The following MKI67 variants were observed in gnomAD, a reference collection of about 807,000 sequenced individuals.
MKI67 encodes marker of proliferation Ki-67.
Under a neutral mutation model 233.5 loss-of-function variants are expected in MKI67, and 152 were observed. That is an observed-to-expected ratio of 0.65 (90% CI 0.57 to 0.74). MKI67 has a LOEUF of 0.74. Among genes scored for constraint, MKI67 ranks in the 30% least tolerant of loss-of-function variants. The pLI, the probability that MKI67 is intolerant of heterozygous loss-of-function variation, is 0.00. For synonymous variants in MKI67, 1,465 were observed against 1,418.5 expected, an observed-to-expected ratio of 1.03 and a Z score of -0.74; for missense variants, 3,940 against 3,885.2, an observed-to-expected ratio of 1.01 and a Z score of -0.37.
At position 128,103,101 on chromosome 10, in the gene MKI67, T is replaced by G. The variant is rs771617373; in HGVS notation, c.8739A>C (p.Gln2913His). 2.5e-6 allele frequency: 4 copies of G among 1,614,122 alleles called. No homozygotes were observed. Among genetic ancestry groups the G allele is most frequent in the Non-Finnish European group, 3.4e-6 (4 of 1,180,048 alleles). The change falls in exon 13 of 15, where the codon CAA (glutamine) becomes CAC (histidine). Residue 2913 changes from glutamine (Q) to histidine (H), a missense_variant. Transcript: ENST00000368654. ...GGAAGCTGGCCAGATCTTCCAGGGG[T>G]TGGGCCTTTTCCTTAGGTGCTCTTG... The part of the protein sequence containing the change: ...RQPRAPKEKA[Q>H]PLEDLASFQE...
At chr10:128,120,369 G>A (rs1485899359) in intron 4 of MKI67, among the ~76,000 whole-genome samples, 3 of 152,070 alleles carry the variant, frequency 2.0e-5, no homozygotes, top group Non-Finnish European at 4.4e-5. Flanking sequence ...GCGCGTGCCT[G>A]TAATCCCAGC....
chr10:128,105,951 T>C lies in MKI67; in HGVS notation c.5889A>G (p.Thr1963=), dbSNP rs766490291. Residue 1963 remains threonine, a synonymous_variant, in exon 13 of 15, where the codon ACA becomes ACG. Coordinates refer to ENST00000368654, the MANE Select transcript of MKI67 (RefSeq NM_002417.5). ...DLAGFKELFQ[T]PGHTEESMTD... is the part of the protein sequence containing the mutation. ...TCATTGATTCCTCAGTGTGACCTGG[T>C]GTCTGGAAGAGCTCTTTGAAGCCAG... 30 of 1,614,100 alleles carry C rather than the reference T, an allele frequency of 1.9e-5. No individual in the cohort carries two copies. Among genetic ancestry groups the C allele is most frequent in the Non-Finnish European group, 2.4e-5 (28 of 1,180,040 alleles).
chr10:128,108,415 C>T lies in MKI67; in HGVS notation c.3425G>A (p.Ser1142Asn), dbSNP rs1485694869. The T allele has an allele frequency of 3.1e-6, 5 of 1,614,122 alleles. No homozygotes were observed. Among genetic ancestry groups the T allele is most frequent in the South Asian group, 1.1e-5 (1 of 91,076 alleles). The change falls in exon 13 of 15, where the codon AGC (serine) becomes AAC (asparagine). Residue 1142 changes from serine to asparagine, a missense_variant. Coordinates refer to ENST00000368654, the MANE Select transcript of MKI67 (RefSeq NM_002417.5). ...ACTTCTCTTAGGCCATTGCTTTGTG[C>T]TTGTTGGAGTGTCCACTGATTCTGG... is the stretch of plus-strand genomic sequence containing the variant. The part of the protein sequence containing the change: ...PPPESVDTPT[S>N]TKQWPKRSLR...
rs1302544782 is a variant in MKI67 at position 128,107,437 on chromosome 10, G to A, written c.4403C>T (p.Ala1468Val). Reference sequence around the variant, plus strand: ...TGTCTGGAAGAGCTCTTTCAAGCCAGCCAGGTCTTCTAGGGGTTGGGCCTT... The same window carrying A: ...TGTCTGGAAGAGCTCTTTCAAGCCAACCAGGTCTTCTAGGGGTTGGGCCTT... ...KEKAQPLEDL[A>V]GLKELFQTPV... Residue 1468 changes from alanine to valine, a missense_variant, in exon 13 of 15, where the codon GCT becomes GTT. By Grantham distance (64) the Ala-to-Val change is moderately conservative (BLOSUM62 0). Coordinates refer to ENST00000368654, the MANE Select transcript of MKI67 (RefSeq NM_002417.5). 6.2e-7 allele frequency: 1 copy of A among 1,614,028 alleles called. No homozygotes were observed. The highest frequency in any genetic ancestry group is 8.5e-7 in the Non-Finnish European group (1 of 1,180,038).
In MKI67 at chr10:128,115,255, C is replaced by G. The variant is rs1852775624; in HGVS notation, c.1153G>C (p.Ala385Pro). The stretch of plus-strand genomic sequence containing the variant: ...CTGGGAGTAAGAGTTTTATCACCAG[C>G]CTTGAAGCCTTCACTTTTACCCAGA... ...VNLGKSEGFK[A>P]GDKTLTPRKL... is the part of the protein sequence containing the mutation. Residue 385 changes from alanine to proline, a missense_variant, in exon 7 of 15, where the codon GCT becomes CCT. By Grantham distance (27) the Ala-to-Pro change is conservative. Coordinates refer to ENST00000368654, the MANE Select transcript of MKI67 (RefSeq NM_002417.5). 4 of 1,614,202 alleles carry G rather than the reference C, an allele frequency of 2.5e-6. No homozygotes were observed. The highest frequency in any genetic ancestry group is 1.1e-5 in the South Asian group (1 of 91,088).
Position 128,106,835 on chromosome 10 carries a change from C to A in MKI67, c.5005G>T (p.Asp1669Tyr), listed in dbSNP as rs773504656. The change falls in exon 13 of 15, where the codon GAT becomes TAT. Residue 1669 changes from aspartate to tyrosine, a missense_variant. Asp to Tyr is a radical substitution (Grantham distance 160). Coordinates refer to ENST00000368654, the MANE Select transcript of MKI67 (RefSeq NM_002417.5). ...TTHTHTEPTG[D>Y]GKSMKAFMES... ...ATAAATGCTTTCATGCTCTTACCAT[C>A]TCCTGTTGGCTCTGTGTGTGTGTGT... 6.8e-6 allele frequency: 11 copies of A among 1,614,132 alleles called. No homozygotes were observed. In the South Asian group the frequency reaches 1.2e-4, roughly 18 times the overall value.
At position 128,115,473 on chromosome 10, in the gene MKI67, T is replaced by G; in HGVS notation, c.935A>C (p.Glu312Ala). 3 of 1,613,948 alleles carry G rather than the reference T, an allele frequency of 1.9e-6. No homozygotes were observed. Among genetic ancestry groups the G allele is most frequent in the Admixed American group, 1.7e-5 (1 of 59,960 alleles). ...TCCCTTCCCCTTGTTCTGGTCAAGC[T>G]CTTGTTCAGGTGAAGCAGGCTCTGC... ...AVAEPASPEQ[E>A]LDQNKGKGRD... Residue 312 changes from glutamate to alanine, a missense_variant, in exon 7 of 15, where the codon GAG becomes GCG. Glu to Ala is a moderately radical substitution (Grantham distance 107). Coordinates refer to ENST00000368654, the MANE Select transcript of MKI67 (RefSeq NM_002417.5).
Position 128,105,693 on chromosome 10 carries a change from C to G in MKI67, c.6147G>C (p.Met2049Ile). ...CAGTTCCATAGTTTGCTGGGTCCAG[C>G]ATCTGCTTTGCAGATTCCTTAAACG... ...IKAFKESAKQ[M>I]LDPANYGTGM... The change falls in exon 13 of 15, where the codon ATG becomes ATC. Residue 2049 changes from methionine (M) to isoleucine (I), a missense_variant. By Grantham distance (10) the Met-to-Ile change is conservative. Transcript: ENST00000368654. The G allele has an allele frequency of 6.2e-7, 1 of 1,614,060 alleles. No individual in the cohort carries two copies. Among genetic ancestry groups the G allele is most frequent in the Middle Eastern group, 1.6e-4 (1 of 6,062 alleles).
In MKI67 at chr10:128,101,354, T is replaced by A. The variant is rs761376572; in HGVS notation, c.9609A>T (p.Arg3203Ser). 155 of 1,614,090 alleles carry A rather than the reference T, an allele frequency of 9.6e-5. 1 individual carries two copies. The East Asian group carries it at 3.4e-3, about 35-fold the overall frequency. Reference protein sequence around the residue: ...GNSDSMCLRSRKTKSQPAAST... With the variant: ...GNSDSMCLRSSKTKSQPAAST... ...TTGCTGCAGGCTGGCTTTTTGTCTT[T>A]CTTGATCTCAGGCACATGGAGTCTG... is the stretch of plus-strand genomic sequence containing the variant. Residue 3203 changes from arginine to serine, a missense_variant, in exon 14 of 15, where the codon AGA becomes AGT. Coordinates refer to ENST00000368654, the MANE Select transcript of MKI67 (RefSeq NM_002417.5).
rs763939011 is a variant in MKI67 at position 128,106,888 on chromosome 10, T to C, written c.4952A>G (p.Lys1651Arg). Residue 1651 changes from lysine (K) to arginine (R), a missense_variant, in exon 13 of 15, where the codon AAG becomes AGG. Physicochemically the swap from Lys to Arg is conservative, Grantham distance 26 (BLOSUM62 2). Coordinates refer to ENST00000368654, the MANE Select transcript of MKI67 (RefSeq NM_002417.5). Reference protein sequence around the residue: ...GVKEELLAVGKLTQTSGETTH... With the variant: ...GVKEELLAVGRLTQTSGETTH... ...AGTCTCTCCTGATGTCTGTGTGAGC[T>C]TGCCAACTGCTAGGAGCTCTTCTTT... The C allele has an allele frequency of 8.1e-6, 13 of 1,613,960 alleles. No individual in the cohort carries two copies. The highest frequency in any genetic ancestry group is 8.0e-5 in the African/African-American group (6 of 74,880).
At position 128,105,577 on chromosome 10, in the gene MKI67, T is replaced by C. The variant is rs1852465728; in HGVS notation, c.6263A>G (p.His2088Arg). ...GTCATCAGTTGTTGATTCCTCAGTGTGGTCTGGTGTCTGGAAGAGCTCTTT... is the reference window on the plus strand; with the variant it reads ...GTCATCAGTTGTTGATTCCTCAGTGCGGTCTGGTGTCTGGAAGAGCTCTTT... Reference protein sequence around the residue: ...GFKELFQTPDHTEESTTDDKT... With the variant: ...GFKELFQTPDRTEESTTDDKT... Residue 2088 changes from histidine to arginine, a missense_variant, in exon 13 of 15, where the codon CAC (histidine) becomes CGC (arginine). Physicochemically the swap from His to Arg is conservative, Grantham distance 29. Coordinates refer to ENST00000368654, the MANE Select transcript of MKI67 (RefSeq NM_002417.5). 1 of 1,613,720 alleles carries C rather than the reference T, an allele frequency of 6.2e-7. No homozygotes were observed. Among genetic ancestry groups the C allele is most frequent in the South Asian group, 1.1e-5 (1 of 91,064 alleles).
chr10:128,125,555 G>A lies in MKI67; in HGVS notation c.92+21C>T. The A allele has an allele frequency of 6.2e-7, 1 of 1,603,736 alleles. No individual in the cohort carries two copies. Among genetic ancestry groups the A allele is most frequent in the Non-Finnish European group, 8.5e-7 (1 of 1,172,000 alleles). ...TTCCTCTTTCTCAGCTAAAACGTCCGCGCGCGCCCGCGGGGCTCACCTTCC... is the reference window on the plus strand; with the variant it reads ...TTCCTCTTTCTCAGCTAAAACGTCCACGCGCGCCCGCGGGGCTCACCTTCC... On this transcript the variant is annotated intron_variant, in intron 2 of 14. Transcript: ENST00000368654. This position sits in a 1 kb window ranked among gnomAD's most constrained non-coding sequence, Gnocchi z 5.3.
At chr10:128,121,577 ATATAT>A (rs1277637974) in intron 4 of MKI67, among the ~76,000 whole-genome samples, 2 of 108,318 alleles carry the variant, frequency 1.8e-5, no homozygotes, top group Non-Finnish European at 3.6e-5. Flanking sequence ...TATTATAATT[ATATAT>A]TATATAAGTG....
chr10:128,123,478 A>G (rs982418803), intron 2 of MKI67, among the ~76,000 whole-genome samples: 7 of 152,358 alleles, frequency 4.6e-5, no homozygotes, highest in African/African-American at 1.4e-4. Flanking sequence ...ACTTACATCA[A>G]TTTTGGATAA....
At position 128,108,404 on chromosome 10, in the gene MKI67, A is replaced by G; in HGVS notation, c.3436T>C (p.Trp1146Arg). Residue 1146 changes from tryptophan (W) to arginine (R), a missense_variant, in exon 13 of 15, where the codon TGG becomes CGG. Transcript: ENST00000368654. ...GCTTTCCTGAGACTTCTCTTAGGCC[A>G]TTGCTTTGTGCTTGTTGGAGTGTCC... ...SVDTPTSTKQ[W>R]PKRSLRKADV... 6.2e-7 allele frequency: 1 copy of G among 1,611,896 alleles called. No homozygotes were observed. Among genetic ancestry groups the G allele is most frequent in the Non-Finnish European group, 8.5e-7 (1 of 1,179,476 alleles).
Position 128,125,497 on chromosome 10 carries a change from C to T in MKI67, c.92+79G>A. ...GACGGCAGGACCCAATCCTAGAGCG[C>T]GTTTCTGGACTTTATTCTGTGACTA... On this transcript the variant is annotated intron_variant, in intron 2 of 14. Transcript: ENST00000368654. This position sits in a 1 kb window ranked among gnomAD's most constrained non-coding sequence, Gnocchi z 5.3. 1 of 1,133,146 alleles carries T rather than the reference C, an allele frequency of 8.8e-7. No individual in the cohort carries two copies. The highest frequency in any genetic ancestry group is 1.3e-6 in the Non-Finnish European group (1 of 751,054). The allele number at this position is 1,133,146 out of a possible 1,614,324, so 70.2% of individuals were successfully genotyped here.
chr10:128,123,420 C>T (rs1026870144), intron 2 of MKI67, among the ~76,000 whole-genome samples: 7 of 152,156 alleles, frequency 4.6e-5, no homozygotes, highest in East Asian at 1.9e-4. Context: ...GAACACAAAT[C>T]GAATTACCTT....
Position 128,108,310 on chromosome 10 carries a change from G to A in MKI67, c.3530C>T (p.Pro1177Leu), listed in dbSNP as rs762981784. The change falls in exon 13 of 15, where the codon CCC becomes CTC. Residue 1177 changes from proline (P) to leucine (L), a missense_variant. Transcript: ENST00000368654. ...TTTCTCATCACCTCCTGCTGGTTTGGGCGTAAGCATGGCTTTCCCTGCTGA... is the reference window on the plus strand; with the variant it reads ...TTTCTCATCACCTCCTGCTGGTTTGAGCGTAAGCATGGCTTTCCCTGCTGA... ...TPSAGKAMLTPKPAGGDEKDI... is the reference protein window; with the variant it reads ...TPSAGKAMLTLKPAGGDEKDI... The A allele has an allele frequency of 1.2e-6, 2 of 1,613,946 alleles. No homozygotes were observed. Among genetic ancestry groups the A allele is most frequent in the South Asian group, 2.2e-5 (2 of 91,070 alleles).
rs138336575 is a variant in MKI67, at chr10:128,104,057, C to A, written c.7783G>T (p.Asp2595Tyr). The A allele has an allele frequency of 3.4e-5, 55 of 1,613,816 alleles. No individual in the cohort carries two copies. The African/African-American group carries it at 6.9e-4, about 20-fold the overall frequency. ...CATCTCTTTGTGCTCGTGGCAGTGT[C>A]TGTTAGTTCTGGTGGGGGAGATTTG... ...PCKSPPPELTDTATSTKRCPK... is the reference protein window; with the variant it reads ...PCKSPPPELTYTATSTKRCPK... The change falls in exon 13 of 15, where the codon GAC becomes TAC. Residue 2595 changes from aspartate to tyrosine, a missense_variant. Asp to Tyr is a radical substitution (Grantham distance 160). Coordinates refer to ENST00000368654, the MANE Select transcript of MKI67 (RefSeq NM_002417.5).
Sources: gnomAD v4.1 joint callset for allele counts (sites outside exome capture counted in the v4.1 genomes callset) on GRCh38, gnomAD v4.1.1 for gene constraint, Gnocchi (gnomAD v3.1) non-coding constraint, MANE v1.5 for transcripts, NCBI Gene and HGNC (gene_info 2026-07-23, HGNC 2026-07-21) for gene names.